Variants in CREBRF observed in about 807,000 individuals in gnomAD.
CREBRF encodes CREB3 regulatory factor.
CREBRF carries 5 observed loss-of-function variants against 66.1 expected under a neutral mutation model. The ratio of observed to expected loss-of-function variants is 0.08; its 90% CI spans 0.04 to 0.16. CREBRF has a LOEUF of 0.16. Among genes scored for constraint, CREBRF ranks in the 10% least tolerant of loss-of-function variants. The pLI is 1.00. For missense variants in CREBRF, 531 were observed against 744.9 expected, an observed-to-expected ratio of 0.71 and a Z score of 3.34; for synonymous variants, 229 against 264.4, an observed-to-expected ratio of 0.87 and a Z score of 1.30.
At chr5:173,114,808 A>G (rs1427343241) in intron 7 of CREBRF, among the ~76,000 whole-genome samples, 1 of 152,164 alleles carries the variant, frequency 6.6e-6, no homozygotes, top group African/African-American at 2.4e-5. Context: ...TTAGCTCTTC[A>G]CTCTGACTGA....
At chr5:173,083,202 C>G (rs1464158324) in intron 2 of CREBRF, among the ~76,000 whole-genome samples, 1 of 151,882 alleles carries the variant, frequency 6.6e-6, no homozygotes, top group Non-Finnish European at 1.5e-5. Flanking sequence ...GAGCGAGACT[C>G]TGTCTCTCCA....
chr5:173,068,032 C>G, intron 1 of CREBRF: 5 of 343,652 alleles, frequency 1.5e-5, no homozygotes, highest in South Asian at 1.0e-4. Flanking sequence ...ATTTTGTCTT[C>G]TGTTTTAAAA....
intron 1 of CREBRF, among the ~76,000 whole-genome samples, chr5:173,080,096 A>C (rs1363438733): frequency 6.6e-6 from 1 of 152,204 alleles, no homozygotes; most frequent in Admixed American, 6.6e-5. Flanking sequence ...GATTTTATTT[A>C]ATGTAGAGGA....
intron 1 of CREBRF, among the ~76,000 whole-genome samples, chr5:173,060,873 A>C (rs1021750732): frequency 6.6e-6 from 1 of 152,186 alleles, no homozygotes; most frequent in Admixed American, 6.5e-5. Context: ...CTATTCCAAT[A>C]AAACTTTATT....
At position 173,086,543 on chromosome 5, in the gene CREBRF, C is replaced by T. The variant is rs1003707861; in HGVS notation, c.52C>T (p.Arg18Ter). 3 of 1,613,950 alleles carry T rather than the reference C, an allele frequency of 1.9e-6. No individual in the cohort carries two copies. The highest frequency in any genetic ancestry group is 2.5e-6 in the Non-Finnish European group (3 of 1,179,894). Reference sequence around the variant, plus strand: ...GGATCCGCCTTTCGGGGATGCCTTTCGAAGCCACACCTTTTCGGAACAAAC... The same window carrying T: ...GGATCCGCCTTTCGGGGATGCCTTTTGAAGCCACACCTTTTCGGAACAAAC... ...GMDPPFGDAFRSHTFSEQTLM... is the reference protein window; with the variant it reads ...GMDPPFGDAF The change falls in exon 3 of 9, where the codon CGA (arginine) becomes TGA (stop). Residue 18 changes from arginine (R) to a stop codon, truncating the protein, a stop_gained. Coordinates refer to ENST00000296953, the MANE Select transcript of CREBRF (RefSeq NM_153607.3). LOFTEE classifies it high-confidence loss of function.
At position 173,061,148 on chromosome 5, in the gene CREBRF, A is replaced by G. The variant is rs575611378; in HGVS notation, c.-192+4669A>G. 9.1e-4 allele frequency among the ~76,000 whole-genome samples: 138 copies of G among 152,224 alleles called. 1 individual carries two copies. The highest frequency in any genetic ancestry group is 3.2e-3 in the African/African-American group (134 of 41,518). On this transcript the variant is annotated intron_variant, in intron 1 of 8. Transcript: ENST00000296953. ...GTGCCCAGCCAAGTTTTGTATTTTT[A>G]GTAGAGACGGGGTTTCACTGTGTTG...
intron 7 of CREBRF, among the ~76,000 whole-genome samples, chr5:173,120,614 C>G (rs1561815693): frequency 6.7e-6 from 1 of 148,942 alleles, no homozygotes; most frequent in East Asian, 2.0e-4. Flanking sequence ...CACCTGGCCT[C>G]AAGTGATCCA....
chr5:173,092,266 C>T (rs184005428), intron 4 of CREBRF: 9 of 979,820 alleles, frequency 9.2e-6, no homozygotes, highest in African/African-American at 1.7e-5. Flanking sequence ...TGTCTGCTAA[C>T]ATTTTAATTT....
intron 4 of CREBRF, chr5:173,091,703 T>A: frequency 9.5e-7 from 1 of 1,057,682 alleles, no homozygotes; most frequent in Non-Finnish European, 1.1e-6. Flanking sequence ...GAGGACTTAT[T>A]CTTAATGTAT....
chr5:173,075,767 C>A (rs1487184320), intron 1 of CREBRF, among the ~76,000 whole-genome samples: 6 of 152,032 alleles, frequency 3.9e-5, no homozygotes, highest in African/African-American at 1.2e-4. Flanking sequence ...TTTCCCACCT[C>A]CCTGTCCACA....
intron 1 of CREBRF, among the ~76,000 whole-genome samples, chr5:173,067,121 C>T (rs373938387): frequency 4.1e-4 from 63 of 152,190 alleles, no homozygotes; most frequent in African/African-American, 1.5e-3. Context: ...CCTGAGCCAC[C>T]GTGCTCGGCC....
chr5:173,130,906 C>T (rs1317359706), intron 8 of CREBRF, among the ~76,000 whole-genome samples: 1 of 152,168 alleles, frequency 6.6e-6, no homozygotes, highest in Non-Finnish European at 1.5e-5. Flanking sequence ...AGGGTTTCAC[C>T]ATGTTGGCCA....
intron 4 of CREBRF, among the ~76,000 whole-genome samples, chr5:173,096,443 TC>T: frequency 3.2e-5 from 1 of 31,250 alleles, no homozygotes; most frequent in Admixed American, 3.4e-4. Flanking sequence ...TTCCCTCCCC[TC>T]CCCTCTCCTC....
intron 2 of CREBRF, chr5:173,085,792 C>T (rs1311277988): frequency 1.3e-6 from 1 of 777,464 alleles, no homozygotes; most frequent in Non-Finnish European, 2.4e-6. Context: ...GGTCATGGGT[C>T]AGCTTTTTAG....
rs34093582 is a variant in CREBRF, at chr5:173,066,808, CTTTTTTTTTTTT to C, written c.-192+10343_-192+10354del. On this transcript the variant is annotated intron_variant, in intron 1 of 8. Coordinates refer to ENST00000296953, the MANE Select transcript of CREBRF (RefSeq NM_153607.3). ...ATATTGTGTCGTATATTCATTGAAT[CTTTTTTTTTTTT>C]TTTTTTTTTTTTTGAGACAGGGTCT... Among the ~76,000 whole-genome samples, 29 of 63,074 alleles carry C rather than the reference CTTTTTTTTTTTT, an allele frequency of 4.6e-4. 1 individual carries two copies. In the Admixed American group the frequency reaches 4.9e-3, roughly 11 times the overall value. The allele number at this position is 63,074 out of a possible 152,430, so 41.4% of individuals were successfully genotyped here. A position where few individuals can be genotyped will look rare whatever the true frequency, so the allele number is the denominator to read the frequency against.
intron 1 of CREBRF, among the ~76,000 whole-genome samples, chr5:173,079,414 G>A (rs1581668937): frequency 6.7e-6 from 1 of 149,170 alleles, no homozygotes; most frequent in East Asian, 2.0e-4. Flanking sequence ...AGTGAGCCAA[G>A]ATTGGGCCAC....
rs1456920797 is a variant in CREBRF at position 173,129,210 on chromosome 5, G to A, written c.1805-4420G>A. ...CGGCTCACTGCAAACTCCACCTCCC[G>A]GGTTCAAGCGATTCTCCTGCCTCAG... is the stretch of plus-strand genomic sequence containing the variant. On this transcript the variant is annotated intron_variant, in intron 8 of 8. Coordinates refer to ENST00000296953, the MANE Select transcript of CREBRF (RefSeq NM_153607.3). 2.3e-5 allele frequency among the ~76,000 whole-genome samples: 3 copies of A among 132,478 alleles called. No homozygotes were observed. The South Asian group carries it at 7.7e-4, about 34-fold the overall frequency. The allele number at this position is 132,478 out of a possible 152,430, so 86.9% of individuals were successfully genotyped here.
chr5:173,132,862 C>CG lies in CREBRF; in HGVS notation c.1805-768_1805-767insG, dbSNP rs1561586225. On this transcript the variant is annotated intron_variant, in intron 8 of 8. Coordinates refer to ENST00000296953, the MANE Select transcript of CREBRF (RefSeq NM_153607.3). ...GATCTGCCGACCTCAGGTGATCCGCCAACCTCAGGTGATCCGCCTGCCTCA... is the reference window on the plus strand; with the variant it reads ...GATCTGCCGACCTCAGGTGATCCGCCGAACCTCAGGTGATCCGCCTGCCTCA... 5.3e-5 allele frequency among the ~76,000 whole-genome samples: 8 copies of CG among 150,324 alleles called. No homozygotes were observed. The East Asian group carries it at 1.6e-3, about 30-fold the overall frequency.
intron 4 of CREBRF, among the ~76,000 whole-genome samples, chr5:173,105,884 C>T (rs906884573): frequency 7.2e-5 from 11 of 152,014 alleles, no homozygotes; most frequent in African/African-American, 2.6e-4. Context: ...TCCCAAAGTG[C>T]TGGGATTACA....
Sources: allele counts gnomAD v4.1 joint callset (sites outside exome capture counted in the v4.1 genomes callset), GRCh38; gene constraint gnomAD v4.1.1; transcripts MANE v1.5; gene names NCBI Gene and HGNC (gene_info 2026-07-23, HGNC 2026-07-21).